CGNL1: variants seen among roughly 807,000 people sequenced by gnomAD.
The protein encoded by CGNL1 is cingulin-like protein 1.
Under a neutral mutation model 141.2 loss-of-function variants are expected in CGNL1, and 132 were observed. The ratio of observed to expected loss-of-function variants is 0.93; its 90% confidence interval spans 0.81 to 1.08. The LOEUF (loss-of-function observed/expected upper bound fraction) is 1.08, where lower values mean the gene tolerates loss of function less well. Ranked by LOEUF, CGNL1 falls within the 50% of genes least tolerant of loss-of-function variation. The pLI is 0.00. For missense variants in CGNL1, 1,870 were observed against 1,588.6 expected (o/e 1.18, Z -3.01); for synonymous variants, 690 against 622.1 (o/e 1.11, Z -1.63).
rs773025581 is a variant in CGNL1 at position 57,440,384 on chromosome 15, C to G, written c.1610C>G (p.Pro537Arg). ...ACAGGCCTTATGTTCCAGGCCACACCGGATCTCTTAAAGGGCCAGCAAGAG... is the reference window on the plus strand; with the variant it reads ...ACAGGCCTTATGTTCCAGGCCACACGGGATCTCTTAAAGGGCCAGCAAGAG... ...FPSASNTQAT[P>R]DLLKGQQELT... The change falls in exon 3 of 19, where the codon CCG (proline) becomes CGG (arginine). Residue 537 changes from proline (P) to arginine (R), a missense_variant. Pro to Arg is a moderately radical substitution (Grantham distance 103, BLOSUM62 -2). Coordinates refer to ENST00000281282, the MANE Select transcript of CGNL1 (RefSeq NM_032866.5). 7 of 1,598,640 alleles carry G rather than the reference C, an allele frequency of 4.4e-6. No homozygotes were observed. The highest frequency in any genetic ancestry group is 5.1e-6 in the Non-Finnish European group (6 of 1,171,746).
chr15:57,403,380 C>A (rs1233157300), intron 1 of CGNL1, among the ~76,000 whole-genome samples: 1 of 152,188 alleles, frequency 6.6e-6, no homozygotes, highest in African/African-American at 2.4e-5. Flanking sequence ...CCCTTTCCCC[C>A]CAACAACATT....
intron 8 of CGNL1, among the ~76,000 whole-genome samples, chr15:57,494,837 C>T (rs1200825210): frequency 2.0e-5 from 3 of 152,218 alleles, no homozygotes; most frequent in African/African-American, 4.8e-5. Context: ...TGAGCTCAGA[C>T]ACTGGCGTGT....
intron 14 of CGNL1, among the ~76,000 whole-genome samples, chr15:57,541,400 C>T (rs1223156016): frequency 2.0e-5 from 3 of 152,216 alleles, no homozygotes; most frequent in Non-Finnish European, 4.4e-5. Context: ...GTTCAGAAAC[C>T]ACCTTGGGAG....
At chr15:57,496,045 T>C (rs897730473) in intron 8 of CGNL1, among the ~76,000 whole-genome samples, 1 of 152,082 alleles carries the variant, frequency 6.6e-6, no homozygotes. Flanking sequence ...AACTCCAAGA[T>C]AAGATAAATG....
intron 1 of CGNL1, among the ~76,000 whole-genome samples, chr15:57,378,240 G>C (rs2062386052): frequency 1.3e-5 from 2 of 152,204 alleles, no homozygotes; most frequent in East Asian, 3.9e-4. Flanking sequence ...AGTCTCCGGG[G>C]ATCTTGGTTA....
At chr15:57,444,274 T>G (rs1202531598) in intron 4 of CGNL1, among the ~76,000 whole-genome samples, 1 of 152,014 alleles carries the variant, frequency 6.6e-6, no homozygotes, top group Admixed American at 6.6e-5. Flanking sequence ...GTACTCGTAG[T>G]TTTTTTTGGT....
rs1441597512 is a variant in CGNL1, at chr15:57,548,445, A to G, written c.*955A>G. The G allele has an allele frequency of 1.3e-5, 2 of 152,292 alleles. No homozygotes were observed. The highest frequency in any genetic ancestry group is 2.9e-5 in the Non-Finnish European group (2 of 68,074). The allele number at this position is 152,292 out of a possible 1,614,324, so 9.4% of individuals were successfully genotyped here. On this transcript the variant is annotated 3_prime_UTR_variant, in exon 19 of 19. Transcript: ENST00000281282. ...TTGGAAAAGAAGAATTGTAGTGGTC[A>G]TGGACAGCTAAGACTGAGCATAGCA...
chr15:57,529,948 T>A (rs1236556044), intron 13 of CGNL1, among the ~76,000 whole-genome samples: 9 of 152,262 alleles, frequency 5.9e-5, no homozygotes, highest in African/African-American at 2.2e-4. Context: ...GTTGGACTGC[T>A]GTACATTTTG....
At chr15:57,426,543 C>T (rs112247288) in intron 1 of CGNL1, among the ~76,000 whole-genome samples, 3,982 of 151,280 alleles carry the variant, frequency 0.026, 164 homozygotes, top group African/African-American at 0.091. Context: ...ACCTCCCAGG[C>T]TCAGGTGATC....
intron 8 of CGNL1, among the ~76,000 whole-genome samples, chr15:57,495,570 G>A (rs1231154801): frequency 1.3e-5 from 2 of 152,192 alleles, no homozygotes; most frequent in African/African-American, 4.8e-5. Flanking sequence ...AAGAAAGGAT[G>A]ACAGTAAATA....
intron 8 of CGNL1, among the ~76,000 whole-genome samples, chr15:57,504,658 G>T (rs2064075777): frequency 6.6e-6 from 1 of 152,202 alleles, no homozygotes; most frequent in Admixed American, 6.5e-5. Flanking sequence ...GGGGACCCAG[G>T]TGTTGGTGAT....
chr15:57,531,602 C>A (rs1595804104), intron 13 of CGNL1, 88 bp from the exon 14 acceptor site: 1 of 824,750 alleles, frequency 1.2e-6, no homozygotes, highest in Non-Finnish European at 2.1e-6. Flanking sequence ...CTCATTTGCC[C>A]TTAGGATTGT....
Position 57,523,596 on chromosome 15 carries a change from T to G in CGNL1, c.2823T>G (p.Asn941Lys). The change falls in exon 11 of 19, where the codon AAT becomes AAG. Residue 941 changes from asparagine (N) to lysine (K), a missense_variant. Coordinates refer to ENST00000281282, the MANE Select transcript of CGNL1 (RefSeq NM_032866.5). Reference sequence around the variant, plus strand: ...GAAGGTTGAAGAACGAGATGGAGAATGAGCGGTGGCACCTGGGCAAAACCA... The same window carrying G: ...GAAGGTTGAAGAACGAGATGGAGAAGGAGCGGTGGCACCTGGGCAAAACCA... Reference protein sequence around the residue: ...QLRRLKNEMENERWHLGKTIE... With the variant: ...QLRRLKNEMEKERWHLGKTIE... The G allele has an allele frequency of 6.2e-7, 1 of 1,614,078 alleles. No homozygotes were observed. Among genetic ancestry groups the G allele is most frequent in the Non-Finnish European group, 8.5e-7 (1 of 1,180,000 alleles).
intron 8 of CGNL1, among the ~76,000 whole-genome samples, chr15:57,504,289 C>T (rs1274438618): frequency 6.6e-6 from 1 of 152,184 alleles, no homozygotes; most frequent in African/African-American, 2.4e-5. Flanking sequence ...GATTACAGCT[C>T]AGTAAAAGGT....
intron 4 of CGNL1, among the ~76,000 whole-genome samples, chr15:57,450,431 T>C (rs1380022593): frequency 3.9e-5 from 6 of 152,118 alleles, no homozygotes; most frequent in African/African-American, 1.2e-4. Context: ...CGTGTGCCAC[T>C]ACGCCCGGCT....
chr15:57,483,222 A>G (rs761593165), intron 8 of CGNL1, among the ~76,000 whole-genome samples: 5 of 152,204 alleles, frequency 3.3e-5, no homozygotes, highest in Non-Finnish European at 7.3e-5. Flanking sequence ...ATTTATTTAG[A>G]TGTTCACTGC....
At chr15:57,513,845 A>G (rs150525695) in intron 8 of CGNL1, among the ~76,000 whole-genome samples, 19 of 152,218 alleles carry the variant, frequency 1.2e-4, no homozygotes, top group South Asian at 8.3e-4. Context: ...TCTCTTAGCT[A>G]TATAGCAAGG....
rs770450879 is a variant in CGNL1, at chr15:57,546,167, G to A, written c.3701G>A (p.Arg1234Lys). ...RLESSKKKLQ[R>K]ELEEQMDMNE... ...GAAAGTTCTAAAAAGAAGCTGCAGAGGGAGCTGGAGGAGCAGATGGACATG... is the reference window on the plus strand; with the variant it reads ...GAAAGTTCTAAAAAGAAGCTGCAGAAGGAGCTGGAGGAGCAGATGGACATG... Residue 1234 changes from arginine to lysine, a missense_variant, in exon 18 of 19, where the codon AGG becomes AAG. Arg to Lys is a conservative substitution (Grantham distance 26). Transcript: ENST00000281282. 2 of 1,612,018 alleles carry A rather than the reference G, an allele frequency of 1.2e-6. No individual in the cohort carries two copies. The highest frequency in any genetic ancestry group is 1.7e-6 in the Non-Finnish European group (2 of 1,179,112).
intron 1 of CGNL1, among the ~76,000 whole-genome samples, chr15:57,419,071 A>T (rs2062884065): frequency 6.6e-6 from 1 of 152,094 alleles, no homozygotes; most frequent in African/African-American, 2.4e-5. Flanking sequence ...AACTGGGATT[A>T]CAGGCATGCG....
Sources: gnomAD v4.1 joint callset for allele counts (sites outside exome capture counted in the v4.1 genomes callset) on GRCh38, gnomAD v4.1.1 for gene constraint, MANE v1.5 for transcripts, NCBI Gene and HGNC (gene_info 2026-07-23, HGNC 2026-07-21) for gene names.